The following ADAMTS18 variants were observed in gnomAD, a reference collection of about 807,000 sequenced individuals.
ADAMTS18 encodes the protein A disintegrin and metalloproteinase with thrombospondin motifs 18.
Under a neutral mutation model 165.9 loss-of-function variants are expected in ADAMTS18, and 157 were observed. The observed-to-expected ratio is 0.95, with a 90% confidence interval of 0.83 to 1.08. The LOEUF is 1.08. ADAMTS18 is among the 50% of genes least tolerant of loss of function. ADAMTS18 has a pLI of 0.00. For synonymous variants in ADAMTS18, 782 were observed against 578.2 expected, an observed-to-expected ratio of 1.35 and a Z score of -5.06; for missense variants, 2,040 against 1,534.0, an observed-to-expected ratio of 1.33 and a Z score of -5.51.
At chr16:77,403,557 T>C (rs1451366493) in intron 3 of ADAMTS18, among the ~76,000 whole-genome samples, 1 of 152,164 alleles carries the variant, frequency 6.6e-6, no homozygotes, top group South Asian at 2.1e-4. Flanking sequence ...TCAATAGTAA[T>C]AGTTCCCTGC....
intron 3 of ADAMTS18, among the ~76,000 whole-genome samples, chr16:77,391,718 C>T (rs2057190130): frequency 7.2e-6 from 1 of 138,290 alleles, no homozygotes; most frequent in Middle Eastern, 3.4e-3. Flanking sequence ...CTGAAAATGA[C>T]AACAAGAACT....
chr16:77,375,443 G>A lies in ADAMTS18; in HGVS notation c.496-7720C>T, dbSNP rs558357220. On this transcript the variant is annotated intron_variant, in intron 3 of 22. Transcript: ENST00000282849. ...TTCCATGAGATAAAATAATAGAAGG[G>A]GTGAGAGGAGCGGGGAAGCTAATTT... Among the ~76,000 whole-genome samples, 3 of 152,172 alleles carry A rather than the reference G, an allele frequency of 2.0e-5. No homozygotes were observed. The East Asian group carries it at 5.8e-4, about 29-fold the overall frequency.
intron 3 of ADAMTS18, among the ~76,000 whole-genome samples, chr16:77,427,726 G>C (rs1329703423): frequency 6.6e-6 from 1 of 152,230 alleles, no homozygotes; most frequent in Non-Finnish European, 1.5e-5. Context: ...TTTCATGAAT[G>C]AATTATTCCA....
At chr16:77,330,644 A>T (rs375514699) in intron 12 of ADAMTS18, among the ~76,000 whole-genome samples, 123 of 152,338 alleles carry the variant, frequency 8.1e-4, no homozygotes, top group African/African-American at 2.9e-3. Context: ...CCGTCAGTTA[A>T]AACTATTTAC....
At chr16:77,288,463 T>C (rs1217118477) in intron 22 of ADAMTS18, among the ~76,000 whole-genome samples, 1 of 152,086 alleles carries the variant, frequency 6.6e-6, no homozygotes, top group African/African-American at 2.4e-5. Flanking sequence ...TGAAAGATAT[T>C]TCCTGGCATT....
intron 16 of ADAMTS18, among the ~76,000 whole-genome samples, chr16:77,303,223 G>T (rs867440601): frequency 6.6e-6 from 1 of 152,202 alleles, no homozygotes; most frequent in South Asian, 2.1e-4. Flanking sequence ...AAATGCACTC[G>T]TGTGGTTGAA....
intron 16 of ADAMTS18, among the ~76,000 whole-genome samples, chr16:77,302,661 C>T (rs2055607310): frequency 6.6e-6 from 1 of 152,106 alleles, no homozygotes; most frequent in Non-Finnish European, 1.5e-5. Context: ...AATAAAAACG[C>T]AAAGAAAATA....
chr16:77,299,091 C>T (rs1193879365), intron 17 of ADAMTS18, among the ~76,000 whole-genome samples: 5 of 152,204 alleles, frequency 3.3e-5, no homozygotes, highest in African/African-American at 1.2e-4. Context: ...TCAAGAAACA[C>T]TGGATATGAG....
At chr16:77,311,535 G>C (rs1271486175) in intron 16 of ADAMTS18, among the ~76,000 whole-genome samples, 1 of 152,008 alleles carries the variant, frequency 6.6e-6, no homozygotes, top group African/African-American at 2.4e-5. Context: ...TATGTTTTTA[G>C]AATATCTGTG....
At chr16:77,289,739 G>A (rs62044009) in intron 21 of ADAMTS18, among the ~76,000 whole-genome samples, 1 of 152,184 alleles carries the variant, frequency 6.6e-6, no homozygotes, top group Non-Finnish European at 1.5e-5. Context: ...ACACACCTAG[G>A]GAGTTAATCA....
chr16:77,400,473 TG>T (rs56838947), intron 3 of ADAMTS18, among the ~76,000 whole-genome samples: 1 of 136,680 alleles, frequency 7.3e-6, no homozygotes, highest in Non-Finnish European at 1.6e-5. Context: ...TGTGTGTGTG[TG>T]TGTGTGTTTT....
chr16:77,419,730 G>A (rs2057576515), intron 3 of ADAMTS18, among the ~76,000 whole-genome samples: 1 of 152,118 alleles, frequency 6.6e-6, no homozygotes, highest in African/African-American at 2.4e-5. Flanking sequence ...GACCTCGCCA[G>A]GTGCGGTGAC....
rs765696014 is a variant in ADAMTS18 at position 77,282,674 on chromosome 16, A to G, written c.*1282T>C. The G allele has an allele frequency of 6.6e-6, 1 of 152,600 alleles. No homozygotes were observed. The highest frequency in any genetic ancestry group is 1.5e-5 in the Non-Finnish European group (1 of 68,038). The allele number at this position is 152,600 out of a possible 1,614,324, so 9.5% of individuals were successfully genotyped here. A position where few individuals can be genotyped will look rare whatever the true frequency, so the allele number is the denominator to read the frequency against. On this transcript the variant is annotated 3_prime_UTR_variant, in exon 23 of 23. Coordinates refer to ENST00000282849, the MANE Select transcript of ADAMTS18 (RefSeq NM_199355.4). ...TATGCCCTTTATAACCACTTCTCAA[A>G]AAATTACAGGAGGACACAGTATTAT...
In ADAMTS18 at chr16:77,385,687, G is replaced by A. The variant is rs143957529; in HGVS notation, c.496-17964C>T. ...TAAGAGATGTGATTAAGTACGCTAC[G>A]TGGCATCAACCCATTGGGCAGGTGC... On this transcript the variant is annotated intron_variant, in intron 3 of 22. Coordinates refer to ENST00000282849, the MANE Select transcript of ADAMTS18 (RefSeq NM_199355.4). Among the ~76,000 whole-genome samples the A allele has an allele frequency of 9.2e-5, 14 of 152,284 alleles. No individual in the cohort carries two copies. In the East Asian group the frequency reaches 2.1e-3, roughly 23 times the overall value.
At chr16:77,359,747 C>G (rs2144727161) in intron 7 of ADAMTS18, among the ~76,000 whole-genome samples, 1 of 152,214 alleles carries the variant, frequency 6.6e-6, no homozygotes, top group Middle Eastern at 3.4e-3. Flanking sequence ...TATGCCTTGT[C>G]TGAGTTTATC....
At chr16:77,337,228 T>G (rs551420547) in intron 11 of ADAMTS18, among the ~76,000 whole-genome samples, 2 of 152,330 alleles carry the variant, frequency 1.3e-5, no homozygotes, top group African/African-American at 4.8e-5. Flanking sequence ...TTTGAGGATT[T>G]TGCCTACCAT....
chr16:77,290,497 G>C (rs1293869050), intron 21 of ADAMTS18: 1 of 152,260 alleles, frequency 6.6e-6, no homozygotes, highest in Non-Finnish European at 1.5e-5. Context: ...AGAAAATCAG[G>C]CTAATTTCCT....
intron 3 of ADAMTS18, among the ~76,000 whole-genome samples, chr16:77,409,049 T>TAC (rs2057428162): frequency 6.6e-6 from 1 of 152,054 alleles, no homozygotes; most frequent in Non-Finnish European, 1.5e-5. Context: ...TGTATATATA[T>TAC]ACACACATAT....
At position 77,294,135 on chromosome 16, in the gene ADAMTS18, C is replaced by T. The variant is rs74577956; in HGVS notation, c.3006+788G>A. 8.0e-4 allele frequency among the ~76,000 whole-genome samples: 122 copies of T among 152,200 alleles called. 2 individuals carry two copies. In the East Asian group the frequency reaches 0.02, roughly 25 times the overall value. On this transcript the variant is annotated intron_variant, in intron 19 of 22. Transcript: ENST00000282849. ...CATGGTTCAGGTGGTAAAACTCTTG[C>T]CGTTTTTTCATTCTTCCCCATAATT...
Sources: allele counts gnomAD v4.1 joint callset (sites outside exome capture counted in the v4.1 genomes callset), GRCh38; gene constraint gnomAD v4.1.1; transcripts MANE v1.5; gene names NCBI Gene and HGNC (gene_info 2026-07-23, HGNC 2026-07-21).